Variants in TAX1BP1 observed in about 807,000 individuals in gnomAD.
The protein encoded by TAX1BP1 is Tax1 binding protein 1, also known as tax1-binding protein 1.
A neutral mutation model predicts 97.7 loss-of-function variants in TAX1BP1; 62 were observed. The observed-to-expected ratio is 0.63, with a 90% CI of 0.52 to 0.78. TAX1BP1 has a LOEUF of 0.78. TAX1BP1 is among the 30% of genes least tolerant of loss of function. The pLI, the probability that TAX1BP1 is intolerant of heterozygous loss-of-function variation, is 0.00. For missense variants in TAX1BP1, 867 were observed against 916.1 expected, an observed-to-expected ratio of 0.95 and a Z score of 0.69; for synonymous variants, 340 against 304.2, an observed-to-expected ratio of 1.12 and a Z score of -1.23.
At chr7:27,809,891 T>A (rs1179268347) in intron 13 of TAX1BP1, among the ~76,000 whole-genome samples, 1 of 151,856 alleles carries the variant, frequency 6.6e-6, no homozygotes. Flanking sequence ...TATTTTATTA[T>A]CTCTAACTTC....
At chr7:27,740,566 G>A (rs1213415743) in intron 1 of TAX1BP1, among the ~76,000 whole-genome samples, 2 of 152,154 alleles carry the variant, frequency 1.3e-5, no homozygotes, top group Admixed American at 6.5e-5. Flanking sequence ...TGGGGGAGGC[G>A]TGTGGGACGG....
chr7:27,782,103 CT>C (rs1461657628), intron 5 of TAX1BP1, among the ~76,000 whole-genome samples: 1 of 152,120 alleles, frequency 6.6e-6, no homozygotes, highest in South Asian at 2.1e-4. Flanking sequence ...TTTTTAAAAA[CT>C]TTTTGATTCT....
chr7:27,817,441 T>G (rs1790819445), intron 15 of TAX1BP1, among the ~76,000 whole-genome samples: 1 of 152,200 alleles, frequency 6.6e-6, no homozygotes, highest in Non-Finnish European at 1.5e-5. Context: ...CATCTTTTCT[T>G]TATAGCATTT....
chr7:27,774,178 G>GT (rs1264542442), intron 5 of TAX1BP1, among the ~76,000 whole-genome samples: 1 of 151,792 alleles, frequency 6.6e-6, no homozygotes, highest in Admixed American at 6.6e-5. Context: ...CTCTTCTCTG[G>GT]TTAGTGTGGA....
At chr7:27,773,061 GATTTGAGTGCTTTAC>G (rs1788904441) in intron 5 of TAX1BP1, among the ~76,000 whole-genome samples, 1 of 152,056 alleles carries the variant, frequency 6.6e-6, no homozygotes, top group East Asian at 1.9e-4. Context: ...GCCAGATGGT[GATTTGAGTGCTTTAC>G]ATATGTTAGC....
chr7:27,758,213 T>C (rs1788299446), intron 3 of TAX1BP1, 80 bp downstream of exon 3: 3 of 1,154,942 alleles, frequency 2.6e-6, no homozygotes, highest in East Asian at 4.8e-5. Flanking sequence ...TTGTAATGAT[T>C]TGTTCAGGTA....
chr7:27,784,987 T>C (rs1202215857), intron 5 of TAX1BP1, among the ~76,000 whole-genome samples, 176 bp from the exon 6 acceptor site: 4 of 152,178 alleles, frequency 2.6e-5, no homozygotes, highest in Non-Finnish European at 1.5e-5. Flanking sequence ...ATTTAGTATA[T>C]GAAAATTTAA....
Position 27,744,484 on chromosome 7 carries a change from A to G in TAX1BP1, c.-7-4034A>G, listed in dbSNP as rs540812058. Among the ~76,000 whole-genome samples, 4 of 152,386 alleles carry G rather than the reference A, an allele frequency of 2.6e-5. No homozygotes were observed. In the South Asian group the frequency reaches 8.3e-4, roughly 32 times the overall value. On this transcript the variant is annotated intron_variant, in intron 1 of 16. Transcript: ENST00000396319. ...AACACAGAATCACCATAATTATATT[A>G]TCACACATAACAAAATTACCTTATT...
chr7:27,804,233 G>A (rs1045320707), intron 13 of TAX1BP1, among the ~76,000 whole-genome samples: 1 of 152,166 alleles, frequency 6.6e-6, no homozygotes, highest in African/African-American at 2.4e-5. Context: ...AATGACCAGC[G>A]ATGTTACAAA....
intron 12 of TAX1BP1, among the ~76,000 whole-genome samples, chr7:27,799,223 GTTAT>G (rs1410705941): frequency 3.3e-5 from 5 of 152,044 alleles, no homozygotes; most frequent in Non-Finnish European, 5.9e-5. Context: ...CTGACCTAGC[GTTAT>G]TTGTTTAAAA....
chr7:27,826,756 C>T (rs945497922), intron 15 of TAX1BP1, among the ~76,000 whole-genome samples: 1 of 152,104 alleles, frequency 6.6e-6, no homozygotes, highest in African/African-American at 2.4e-5. Flanking sequence ...AAACTAGATG[C>T]ACAAATTTTT....
chr7:27,795,790 C>T (rs1562727829), intron 11 of TAX1BP1, among the ~76,000 whole-genome samples: 1 of 152,096 alleles, frequency 6.6e-6, no homozygotes, highest in Non-Finnish European at 1.5e-5. Flanking sequence ...CTGCCTCGGC[C>T]TCGACCCGCC....
chr7:27,813,145 C>CTTTTTT (rs57301512), intron 13 of TAX1BP1, among the ~76,000 whole-genome samples: 23 of 108,932 alleles, frequency 2.1e-4, no homozygotes, highest in South Asian at 6.4e-4. Flanking sequence ...CTTTGTTCTG[C>CTTTTTT]TTTTTTTTTT....
intron 11 of TAX1BP1, 110 bp from the exon 12 acceptor site, chr7:27,796,006 A>T (rs565008498): frequency 1.4e-6 from 1 of 734,002 alleles, no homozygotes; most frequent in Non-Finnish European, 2.3e-6. Context: ...GTCCTTCAGC[A>T]TTCCATTTAC....
intron 13 of TAX1BP1, among the ~76,000 whole-genome samples, chr7:27,801,343 TC>T (rs973892522): frequency 6.6e-6 from 1 of 152,114 alleles, no homozygotes; most frequent in African/African-American, 2.4e-5. Flanking sequence ...ACTTTAGTTT[TC>T]CCTTTTAGGG....
intron 1 of TAX1BP1, among the ~76,000 whole-genome samples, chr7:27,743,044 AG>A (rs1316403109): frequency 6.6e-6 from 1 of 152,200 alleles, no homozygotes; most frequent in African/African-American, 2.4e-5. Flanking sequence ...ATAAACCTTT[AG>A]AAGAAGATAA....
intron 13 of TAX1BP1, among the ~76,000 whole-genome samples, chr7:27,808,029 G>A (rs1199417541): frequency 1.3e-5 from 2 of 152,228 alleles, no homozygotes; most frequent in East Asian, 3.9e-4. Flanking sequence ...TGGTGCAGAA[G>A]GATGTTCCAG....
intron 1 of TAX1BP1, among the ~76,000 whole-genome samples, chr7:27,742,047 G>C (rs1413630250): frequency 6.6e-6 from 1 of 152,236 alleles, no homozygotes; most frequent in Non-Finnish European, 1.5e-5. Context: ...CCCTAAGGCG[G>C]TTTTTCCCTA....
At chr7:27,812,701 T>G (rs1790604334) in intron 13 of TAX1BP1, among the ~76,000 whole-genome samples, 1 of 152,184 alleles carries the variant, frequency 6.6e-6, no homozygotes, top group Non-Finnish European at 1.5e-5. Flanking sequence ...AAGTACCCAG[T>G]TTTTAAAGAT....
Sources: allele counts gnomAD v4.1 joint callset (sites outside exome capture counted in the v4.1 genomes callset), GRCh38; gene constraint gnomAD v4.1.1; transcripts MANE v1.5; gene names NCBI Gene and HGNC (gene_info 2026-07-23, HGNC 2026-07-21).